Variants in CLINT1 observed in about 807,000 individuals in gnomAD.
The protein encoded by CLINT1 is clathrin interactor 1.
In CLINT1, 15 loss-of-function variants were observed where a neutral mutation model predicts 70.4. The observed-to-expected ratio is 0.21, with a 90% confidence interval of 0.14 to 0.33. CLINT1 has a LOEUF of 0.33. Ranked by LOEUF, CLINT1 falls within the 10% of genes least tolerant of loss-of-function variation. The probability of loss-of-function intolerance (pLI) is 1.00; values close to 1 mark genes in which losing one functional copy is unlikely to be tolerated. For synonymous variants in CLINT1, 227 were observed against 254.7 expected, an observed-to-expected ratio of 0.89 and a Z score of 1.04; for missense variants, 615 against 778.1, an observed-to-expected ratio of 0.79 and a Z score of 2.49.
chr5:157,835,506 C>A (rs568973402), intron 1 of CLINT1, among the ~76,000 whole-genome samples: 1 of 152,178 alleles, frequency 6.6e-6, no homozygotes, highest in African/African-American at 2.4e-5. Flanking sequence ...CCTCATATAA[C>A]CAGAACTGAC....
At chr5:157,814,739 A>C (rs1373952918) in intron 3 of CLINT1, among the ~76,000 whole-genome samples, 1 of 152,124 alleles carries the variant, frequency 6.6e-6, no homozygotes, top group Non-Finnish European at 1.5e-5. Context: ...CTTTTGTTTT[A>C]AAAGGTTGTG....
chr5:157,787,676 G>A lies in CLINT1; in HGVS notation c.1848C>T (p.Ala616=). ...TSGTVQPKQD[A]FANFANFSK is the part of the protein sequence containing the mutation. Reference sequence around the variant, plus strand: ...TGCTAAAATTGGCGAAATTTGCAAAGGCATCTTGCTTGGGTTGCACAGTTC... The same window carrying A: ...TGCTAAAATTGGCGAAATTTGCAAAAGCATCTTGCTTGGGTTGCACAGTTC... The change falls in exon 12 of 12, where the codon GCC becomes GCT. Residue 616 remains alanine, a synonymous_variant. Transcript: ENST00000411809. 2 of 1,613,478 alleles carry A rather than the reference G, an allele frequency of 1.2e-6. No individual in the cohort carries two copies. Among genetic ancestry groups the A allele is most frequent in the Non-Finnish European group, 1.7e-6 (2 of 1,179,668 alleles).
At chr5:157,831,664 C>T (rs1763247810) in intron 1 of CLINT1, among the ~76,000 whole-genome samples, 1 of 146,756 alleles carries the variant, frequency 6.8e-6, no homozygotes, top group African/African-American at 2.5e-5. Context: ...AATAAACTAG[C>T]TTTATCAAGT....
intron 1 of CLINT1, among the ~76,000 whole-genome samples, chr5:157,838,972 T>G (rs1328304009): frequency 6.6e-6 from 1 of 152,238 alleles, no homozygotes; most frequent in African/African-American, 2.4e-5. Flanking sequence ...TGCTGGCTCA[T>G]GCCTATAATC....
intron 1 of CLINT1, among the ~76,000 whole-genome samples, chr5:157,822,409 A>T (rs1438050531): frequency 6.6e-6 from 1 of 152,114 alleles, no homozygotes; most frequent in Non-Finnish European, 1.5e-5. Flanking sequence ...TGCTGCTGCC[A>T]TGTAAAAAGT....
intron 1 of CLINT1, among the ~76,000 whole-genome samples, chr5:157,841,913 G>A (rs1162066951): frequency 6.6e-6 from 1 of 152,148 alleles, no homozygotes; most frequent in Non-Finnish European, 1.5e-5. Flanking sequence ...TTACAGCGAT[G>A]AGCCAGCACG....
chr5:157,838,730 A>G (rs1411941276), intron 1 of CLINT1, among the ~76,000 whole-genome samples: 4 of 152,256 alleles, frequency 2.6e-5, no homozygotes, highest in Non-Finnish European at 5.9e-5. Context: ...AAAGGCTGTA[A>G]CAAGAAATAT....
At chr5:157,858,793 G>C (rs1018523556) in intron 1 of CLINT1, 137 bp downstream of exon 1, 23 of 908,972 alleles carry the variant, frequency 2.5e-5, no homozygotes, top group East Asian at 2.5e-4. Flanking sequence ...GGGCCGGGAA[G>C]GAGCGGGCCG....
At chr5:157,833,709 G>A (rs1276372895) in intron 1 of CLINT1, among the ~76,000 whole-genome samples, 1 of 152,072 alleles carries the variant, frequency 6.6e-6, no homozygotes, top group African/African-American at 2.4e-5. Context: ...TTGGGAGGCT[G>A]AGGTGGATCA....
intron 1 of CLINT1, among the ~76,000 whole-genome samples, chr5:157,838,489 C>T (rs778653771): frequency 3.9e-5 from 6 of 152,160 alleles, no homozygotes; most frequent in Non-Finnish European, 8.8e-5. Flanking sequence ...AGCCTAAGTA[C>T]ATGCTTAATA....
In CLINT1 at chr5:157,801,481, G is replaced by A. The variant is rs563273829; in HGVS notation, c.1012+2169C>T. On this transcript the variant is annotated intron_variant, in intron 8 of 11. Coordinates refer to ENST00000411809, the MANE Select transcript of CLINT1 (RefSeq NM_014666.4). ...AAGACTGTGTACTGCACTCCAGCCT[G>A]GGCAACAAGGGCGAAACTCTGTCTC... 5.3e-5 allele frequency among the ~76,000 whole-genome samples: 8 copies of A among 151,824 alleles called. No individual in the cohort carries two copies. In the South Asian group the frequency reaches 1.5e-3, roughly 28 times the overall value.
chr5:157,836,914 A>T (rs1226475431), intron 1 of CLINT1, among the ~76,000 whole-genome samples: 3 of 152,016 alleles, frequency 2.0e-5, no homozygotes, highest in African/African-American at 7.3e-5. Flanking sequence ...CTTTTTATTT[A>T]CCTCTACCAA....
chr5:157,816,873 T>G, intron 2 of CLINT1, 43 bp from the exon 3 acceptor site: 1 of 1,404,142 alleles, frequency 7.1e-7, no homozygotes, highest in Non-Finnish European at 9.8e-7. Context: ...ATATATTAAT[T>G]TTGACAGTAG....
intron 8 of CLINT1, among the ~76,000 whole-genome samples, chr5:157,801,168 C>T (rs1011518877): frequency 5.3e-5 from 8 of 152,128 alleles, no homozygotes; most frequent in African/African-American, 1.7e-4. Flanking sequence ...ATTTTAGGAA[C>T]AGTTTGCAGT....
intron 1 of CLINT1, among the ~76,000 whole-genome samples, chr5:157,837,649 C>CTTTTTTTTTTTTTTTTT (rs202044066): frequency 5.1e-5 from 7 of 138,552 alleles, no homozygotes; most frequent in African/African-American, 1.1e-4. Context: ...AGCTCTTTTA[C>CTTTTTTTTTTTTTTTTT]TTTTTTTTTT....
rs938441741 is a variant in CLINT1 at position 157,859,128 on chromosome 5, G to C, written c.-158C>G. Reference sequence around the variant, plus strand: ...CCTTTGCCACAGCAGCGGCGCCGCCGGTGACACGTCGAGACGCGGCAGCAC... The same window carrying C: ...CCTTTGCCACAGCAGCGGCGCCGCCCGTGACACGTCGAGACGCGGCAGCAC... On this transcript the variant is annotated 5_prime_UTR_variant, in exon 1 of 12. Coordinates refer to ENST00000411809, the MANE Select transcript of CLINT1 (RefSeq NM_014666.4). The C allele has an allele frequency of 1.5e-6, 1 of 688,720 alleles. No individual in the cohort carries two copies. The highest frequency in any genetic ancestry group is 2.3e-6 in the Non-Finnish European group (1 of 434,676). 42.7% of individuals were successfully genotyped at this position (688,720 alleles called of 1,614,324 possible).
At position 157,830,757 on chromosome 5, in the gene CLINT1, C is replaced by CCTCT. The variant is rs373819711; in HGVS notation, c.42-13214_42-13211dup. On this transcript the variant is annotated intron_variant, in intron 1 of 11. Transcript: ENST00000411809. Reference sequence around the variant, plus strand: ...CTCTCCCTGCCCCTCCCTCTCTCTCCCTCTCTCTCTCTCTCTCTCTCTCTC... The same window carrying CCTCT: ...CTCTCCCTGCCCCTCCCTCTCTCTCCCTCTCTCTCTCTCTCTCTCTCTCTCTCTC... Among the ~76,000 whole-genome samples, 761 of 87,320 alleles carry CCTCT rather than the reference C, an allele frequency of 8.7e-3. 11 individuals are homozygous for CCTCT. The highest frequency in any genetic ancestry group is 0.011 in the East Asian group (32 of 2,946). 57.3% of individuals were successfully genotyped at this position (87,320 alleles called of 152,430 possible).
chr5:157,848,527 G>A (rs1056281421), intron 1 of CLINT1, among the ~76,000 whole-genome samples: 2 of 149,796 alleles, frequency 1.3e-5, no homozygotes, highest in African/African-American at 4.9e-5. Context: ...TTTTTGAGGT[G>A]GAGTCTCACT....
intron 1 of CLINT1, among the ~76,000 whole-genome samples, chr5:157,818,917 T>C (rs891465839): frequency 6.6e-6 from 1 of 152,216 alleles, no homozygotes; most frequent in Admixed American, 6.5e-5. Flanking sequence ...ATAATTGTTA[T>C]AACAGGTGTC....
Sources: allele counts gnomAD v4.1 joint callset (sites outside exome capture counted in the v4.1 genomes callset), GRCh38; gene constraint gnomAD v4.1.1; transcripts MANE v1.5; gene names NCBI Gene and HGNC (gene_info 2026-07-23, HGNC 2026-07-21).